STXBP5L: variants seen among roughly 807,000 people sequenced by gnomAD.
The protein encoded by STXBP5L is syntaxin binding protein 5L.
STXBP5L carries 65 observed loss-of-function variants against 144.5 expected under a neutral mutation model. The observed-to-expected ratio is 0.45, with a 90% confidence interval of 0.37 to 0.55. STXBP5L has a LOEUF of 0.55. Among genes scored for constraint, STXBP5L ranks in the 20% least tolerant of loss-of-function variants. The pLI, the probability that STXBP5L is intolerant of heterozygous loss-of-function variation, is 0.00. For synonymous variants in STXBP5L, 505 were observed against 469.6 expected (o/e 1.08, Z -0.97); for missense variants, 1,298 against 1,405.5 (o/e 0.92, Z 1.22).
At chr3:121,349,123 C>G (rs2045150653) in intron 20 of STXBP5L, among the ~76,000 whole-genome samples, 1 of 152,106 alleles carries the variant, frequency 6.6e-6, no homozygotes, top group South Asian at 2.1e-4. Context: ...CTACACACTG[C>G]TTTAAATGTG....
intron 3 of STXBP5L, among the ~76,000 whole-genome samples, chr3:121,036,772 ATTT>A (rs3863971): frequency 0.05 from 6,158 of 122,116 alleles, 137 homozygotes; most frequent in Middle Eastern, 0.084. Context: ...ACATTGATTG[ATTT>A]TTTTTTTTTT....
intron 5 of STXBP5L, among the ~76,000 whole-genome samples, chr3:121,104,146 T>C (rs558125659): frequency 1.3e-5 from 2 of 152,362 alleles, no homozygotes; most frequent in African/African-American, 4.8e-5. Context: ...TTTGACCATA[T>C]ATTTTTCTTG....
intron 9 of STXBP5L, among the ~76,000 whole-genome samples, chr3:121,177,995 ATAT>A (rs1325549037): frequency 6.6e-6 from 1 of 152,222 alleles, no homozygotes; most frequent in Non-Finnish European, 1.5e-5. Flanking sequence ...AACCTTGAGA[ATAT>A]TATGCTAAGT....
At chr3:121,270,232 C>CTT (rs34309576) in intron 18 of STXBP5L, among the ~76,000 whole-genome samples, 1 of 137,322 alleles carries the variant, frequency 7.3e-6, no homozygotes, top group Admixed American at 7.3e-5. Context: ...AGAAGAAGAG[C>CTT]TTTTTTTTTT....
At chr3:121,011,826 C>T (rs1327179479) in intron 3 of STXBP5L, among the ~76,000 whole-genome samples, 1 of 151,718 alleles carries the variant, frequency 6.6e-6, no homozygotes, top group Non-Finnish European at 1.5e-5. Context: ...TTGGCTACCA[C>T]ATAATTTAAT....
At chr3:120,967,066 G>A (rs1262651972) in intron 3 of STXBP5L, among the ~76,000 whole-genome samples, 3 of 152,084 alleles carry the variant, frequency 2.0e-5, no homozygotes, top group Admixed American at 6.5e-5. Context: ...TGCTGTGCTA[G>A]CAGTGAGCAA....
chr3:121,062,158 C>T (rs770716507), intron 5 of STXBP5L, among the ~76,000 whole-genome samples: 23 of 152,120 alleles, frequency 1.5e-4, no homozygotes, highest in Admixed American at 3.9e-4. Flanking sequence ...AAGGCAAAGC[C>T]GCCAGGAAGC....
chr3:121,048,618 C>T (rs1457836615), intron 5 of STXBP5L, among the ~76,000 whole-genome samples: 1 of 151,664 alleles, frequency 6.6e-6, no homozygotes, highest in Non-Finnish European at 1.5e-5. Flanking sequence ...GTCTATTCTT[C>T]TGTTAATACT....
At chr3:121,373,243 C>T (rs1258766672) in intron 20 of STXBP5L, among the ~76,000 whole-genome samples, 1 of 152,218 alleles carries the variant, frequency 6.6e-6, no homozygotes, top group Non-Finnish European at 1.5e-5. Context: ...GAGGGATGCT[C>T]CAATGCAGGA....
intron 22 of STXBP5L, among the ~76,000 whole-genome samples, chr3:121,388,841 T>C (rs2046497167): frequency 1.3e-5 from 2 of 152,198 alleles, no homozygotes; most frequent in South Asian, 4.1e-4. Context: ...CAGATATTGC[T>C]CTAAAATTCT....
chr3:121,038,537 G>C (rs1055587563), intron 3 of STXBP5L, among the ~76,000 whole-genome samples: 23 of 151,698 alleles, frequency 1.5e-4, no homozygotes, highest in Non-Finnish European at 2.5e-4. Context: ...CTTAGTAATT[G>C]TTTCTTTTAT....
At chr3:121,008,181 G>A (rs909539781) in intron 3 of STXBP5L, among the ~76,000 whole-genome samples, 4 of 151,814 alleles carry the variant, frequency 2.6e-5, no homozygotes, top group African/African-American at 4.8e-5. Context: ...ACTGGGCATC[G>A]ACGCCTCAAT....
At chr3:121,201,605 G>A (rs922332163) in intron 9 of STXBP5L, among the ~76,000 whole-genome samples, 4 of 150,340 alleles carry the variant, frequency 2.7e-5, no homozygotes, top group Admixed American at 6.6e-5. Context: ...TCTTCACAGT[G>A]TCATTGGTCT....
intron 5 of STXBP5L, among the ~76,000 whole-genome samples, chr3:121,064,591 G>A (rs2331514): frequency 0.099 from 15,125 of 152,202 alleles, 1,183 homozygotes; most frequent in Admixed American, 0.2. Flanking sequence ...CAGTGACAGT[G>A]GTGATTCATT....
intron 2 of STXBP5L, among the ~76,000 whole-genome samples, chr3:120,910,537 T>C (rs890012305): frequency 2.6e-5 from 4 of 152,152 alleles, no homozygotes; most frequent in Non-Finnish European, 5.9e-5. Context: ...TGAGTTGTCT[T>C]GGAATGTGCC....
rs193235237 is a variant in STXBP5L at position 121,023,549 on chromosome 3, A to G, written c.288-18151A>G. 2.2e-4 allele frequency among the ~76,000 whole-genome samples: 33 copies of G among 152,322 alleles called. 1 individual carries two copies. The East Asian group carries it at 6.0e-3, about 28-fold the overall frequency. ...GGTATTGGTATAAAAATAGTTATGTAGACAAATGGAACAGGATAGAGAACC... is the reference window on the plus strand; with the variant it reads ...GGTATTGGTATAAAAATAGTTATGTGGACAAATGGAACAGGATAGAGAACC... On this transcript the variant is annotated intron_variant, in intron 3 of 26. Transcript: ENST00000471454.
At chr3:120,960,765 T>C (rs1025555260) in intron 3 of STXBP5L, among the ~76,000 whole-genome samples, 1 of 136,858 alleles carries the variant, frequency 7.3e-6, no homozygotes, top group Non-Finnish European at 1.6e-5. Context: ...TGTTGTGGGG[T>C]GGGGGCAGGG....
chr3:121,354,065 G>T (rs1317343300), intron 20 of STXBP5L, among the ~76,000 whole-genome samples: 3 of 152,114 alleles, frequency 2.0e-5, no homozygotes, highest in Admixed American at 1.3e-4. Context: ...TGTGATTTCT[G>T]TTCTTTTACT....
chr3:120,924,279 A>C (rs954214094), intron 2 of STXBP5L, among the ~76,000 whole-genome samples: 1 of 152,206 alleles, frequency 6.6e-6, no homozygotes, highest in African/African-American at 2.4e-5. Flanking sequence ...AAAACAGTCA[A>C]ATTCATGTGA....
Sources: allele counts gnomAD v4.1 joint callset (sites outside exome capture counted in the v4.1 genomes callset), GRCh38; gene constraint gnomAD v4.1.1; transcripts MANE v1.5; gene names NCBI Gene and HGNC (gene_info 2026-07-23, HGNC 2026-07-21).